Variants in SNTB1 observed in about 807,000 individuals in gnomAD.
SNTB1 encodes syntrophin beta 1.
SNTB1 carries 36 observed loss-of-function variants against 48.9 expected under a neutral mutation model. That is an observed-to-expected ratio of 0.74 (90% CI 0.56 to 0.97). The LOEUF is 0.97. Among genes scored for constraint, SNTB1 ranks in the 50% least tolerant of loss-of-function variants. SNTB1 has a pLI of 0.00. For synonymous variants in SNTB1, 299 were observed against 294.6 expected (o/e 1.01, Z -0.15); for missense variants, 786 against 703.4 (o/e 1.12, Z -1.33).
intron 6 of SNTB1, among the ~76,000 whole-genome samples, chr8:120,541,583 C>A (rs771133791): frequency 6.6e-6 from 1 of 152,126 alleles, no homozygotes; most frequent in Non-Finnish European, 1.5e-5. Context: ...GTAAAGGATT[C>A]TTTCCTTTGA....
intron 1 of SNTB1, among the ~76,000 whole-genome samples, chr8:120,740,994 A>G (rs1819032465): frequency 6.6e-6 from 1 of 152,196 alleles, no homozygotes; most frequent in Admixed American, 6.5e-5. Context: ...TGGTTGAGCA[A>G]GGATTTGATC....
Position 120,693,788 on chromosome 8 carries a change from GA to G in SNTB1, c.691del (p.Ser231HisfsTer46), listed in dbSNP as rs752077884. On this transcript the variant is annotated frameshift_variant, in exon 2 of 7. Transcript: ENST00000517992. LOFTEE classifies it high-confidence loss of function. ...RLGGSTSDPP[S>X]SQSFSFHRDR... ...TCTGTGGAAGGAGAAGGACTGCGAT[GA>G]CGGGGGGTCTGAGGTGCTGCCCCCT... 2 of 1,614,102 alleles carry G rather than the reference GA, an allele frequency of 1.2e-6. No homozygotes were observed. The highest frequency in any genetic ancestry group is 1.7e-6 in the Non-Finnish European group (2 of 1,180,008).
chr8:120,623,756 G>A (rs1348907405), intron 3 of SNTB1, among the ~76,000 whole-genome samples: 1 of 152,124 alleles, frequency 6.6e-6, no homozygotes, highest in Non-Finnish European at 1.5e-5. Context: ...GAAATTAATA[G>A]GAAAATCATT....
chr8:120,716,826 G>A (rs754193646), intron 1 of SNTB1, among the ~76,000 whole-genome samples: 3 of 152,146 alleles, frequency 2.0e-5, no homozygotes, highest in African/African-American at 7.2e-5. Flanking sequence ...GCAGTATTAG[G>A]TGGTTTGGGA....
At chr8:120,678,456 T>C (rs1817876650) in intron 2 of SNTB1, among the ~76,000 whole-genome samples, 1 of 152,242 alleles carries the variant, frequency 6.6e-6, no homozygotes, top group South Asian at 2.1e-4. Flanking sequence ...GTTCTCTCCC[T>C]GATACATGGC....
At chr8:120,642,255 G>A (rs755899986) in intron 2 of SNTB1, among the ~76,000 whole-genome samples, 10 of 152,304 alleles carry the variant, frequency 6.6e-5, no homozygotes, top group Non-Finnish European at 1.0e-4. Flanking sequence ...AAGACATAGA[G>A]CAGAGAGGCC....
At chr8:120,579,213 C>T (rs1816003277) in intron 3 of SNTB1, among the ~76,000 whole-genome samples, 1 of 143,852 alleles carries the variant, frequency 7.0e-6, no homozygotes, top group Admixed American at 6.9e-5. Flanking sequence ...AACAAACAAA[C>T]AAAGAGCAAA....
At chr8:120,569,640 C>G (rs1477576573) in intron 4 of SNTB1, among the ~76,000 whole-genome samples, 1 of 152,194 alleles carries the variant, frequency 6.6e-6, no homozygotes, top group Non-Finnish European at 1.5e-5. Flanking sequence ...AGTCACTTGC[C>G]TGAGTCGGGA....
intron 3 of SNTB1, among the ~76,000 whole-genome samples, chr8:120,598,194 A>G (rs558809282): frequency 3.3e-5 from 5 of 151,992 alleles, no homozygotes; most frequent in African/African-American, 1.2e-4. Context: ...AGTTCCCTCA[A>G]TCTGGCCTTA....
chr8:120,675,106 G>A (rs1305876465), intron 2 of SNTB1, among the ~76,000 whole-genome samples: 1 of 152,154 alleles, frequency 6.6e-6, no homozygotes, highest in East Asian at 1.9e-4. Flanking sequence ...CTTTTCACAT[G>A]TTTTAAGTGT....
At chr8:120,753,472 CTCT>C (rs1274223114) in intron 1 of SNTB1, among the ~76,000 whole-genome samples, 1 of 152,156 alleles carries the variant, frequency 6.6e-6, no homozygotes, top group Non-Finnish European at 1.5e-5. Context: ...CTAAATCCTC[CTCT>C]TAAGACCTGC....
At chr8:120,622,873 T>C (rs967772674) in intron 3 of SNTB1, among the ~76,000 whole-genome samples, 6 of 152,240 alleles carry the variant, frequency 3.9e-5, no homozygotes, top group Non-Finnish European at 8.8e-5. Context: ...GCATGTTGAC[T>C]GGTCACAGCT....
intron 1 of SNTB1, among the ~76,000 whole-genome samples, chr8:120,747,091 G>A (rs763581054): frequency 6.6e-5 from 10 of 152,142 alleles, no homozygotes; most frequent in African/African-American, 9.6e-5. Context: ...AAAAAGGCAG[G>A]TTAAAATACA....
chr8:120,675,096 C>T (rs1817813489), intron 2 of SNTB1, among the ~76,000 whole-genome samples: 1 of 152,212 alleles, frequency 6.6e-6, no homozygotes, highest in African/African-American at 2.4e-5. Context: ...ACAAATAACA[C>T]TTTTCACATG....
At chr8:120,545,795 A>G (rs1563813650) in intron 5 of SNTB1, among the ~76,000 whole-genome samples, 1 of 152,268 alleles carries the variant, frequency 6.6e-6, no homozygotes, top group Non-Finnish European at 1.5e-5. Flanking sequence ...TAATTAATTT[A>G]AATCACCACC....
At chr8:120,758,481 G>C (rs1382131275) in intron 1 of SNTB1, among the ~76,000 whole-genome samples, 1 of 152,126 alleles carries the variant, frequency 6.6e-6, no homozygotes, top group East Asian at 1.9e-4. Flanking sequence ...TCAATATCAT[G>C]TTCCTTATTT....
At chr8:120,599,411 A>T (rs10098324) in intron 3 of SNTB1, among the ~76,000 whole-genome samples, 141,013 of 152,210 alleles carry the variant, frequency 0.93, 65,417 homozygotes, top group Middle Eastern at 0.97. Flanking sequence ...AGATTTTTTT[A>T]AAATATTTCT....
At chr8:120,786,401 G>A (rs1048404316) in intron 1 of SNTB1, among the ~76,000 whole-genome samples, 3 of 152,184 alleles carry the variant, frequency 2.0e-5, no homozygotes, top group East Asian at 3.9e-4. Flanking sequence ...CTAGCCCAAC[G>A]ATCAGGCAGC....
intron 1 of SNTB1, among the ~76,000 whole-genome samples, chr8:120,734,897 A>G (rs180788118): frequency 5.3e-5 from 8 of 152,252 alleles, no homozygotes; most frequent in Non-Finnish European, 1.2e-4. Flanking sequence ...ACTGGCTATA[A>G]GTGGATGAGA....
Sources: gnomAD v4.1 joint callset for allele counts (sites outside exome capture counted in the v4.1 genomes callset) on GRCh38, gnomAD v4.1.1 for gene constraint, MANE v1.5 for transcripts, NCBI Gene and HGNC (gene_info 2026-07-23, HGNC 2026-07-21) for gene names.